The following KCNIP4 variants were observed in gnomAD, a reference collection of about 807,000 sequenced individuals.
KCNIP4 encodes potassium voltage-gated channel interacting protein 4, also known as Kv channel-interacting protein 4.
KCNIP4 carries 12 observed loss-of-function variants against 34.0 expected under a neutral mutation model. The ratio of observed to expected loss-of-function variants is 0.35; its 90% CI spans 0.23 to 0.57. The LOEUF (loss-of-function observed/expected upper bound fraction) is 0.57. KCNIP4 is among the 20% of genes least tolerant of loss of function. The pLI is 0.83. For synonymous variants in KCNIP4, 124 were observed against 102.2 expected, an observed-to-expected ratio of 1.21 and a Z score of -1.29; for missense variants, 238 against 311.7, an observed-to-expected ratio of 0.76 and a Z score of 1.78.
intron 1 of KCNIP4, among the ~76,000 whole-genome samples, chr4:21,884,845 C>T (rs2109391215): frequency 6.6e-6 from 1 of 152,134 alleles, no homozygotes; most frequent in South Asian, 2.1e-4. Context: ...CACTGCCTTC[C>T]CTCTTCCTGA....
intron 1 of KCNIP4, among the ~76,000 whole-genome samples, chr4:21,777,626 G>A (rs781078351): frequency 6.6e-6 from 1 of 151,872 alleles, no homozygotes; most frequent in Non-Finnish European, 1.5e-5. Context: ...AAAGAGAGAG[G>A]GTCACTCACA....
chr4:21,010,735 A>T (rs1222756480), intron 1 of KCNIP4, among the ~76,000 whole-genome samples: 1 of 152,228 alleles, frequency 6.6e-6, no homozygotes, highest in Non-Finnish European at 1.5e-5. Context: ...ATAAGAGCAT[A>T]GTATGGTTAG....
At chr4:21,310,724 G>A (rs1713061586) in intron 1 of KCNIP4, among the ~76,000 whole-genome samples, 1 of 151,448 alleles carries the variant, frequency 6.6e-6, no homozygotes, top group Non-Finnish European at 1.5e-5. Flanking sequence ...CTCCGCCTCC[G>A]AGGTTCAAGC....
chr4:20,962,978 G>C (rs1036258248), intron 1 of KCNIP4, among the ~76,000 whole-genome samples: 1 of 152,182 alleles, frequency 6.6e-6, no homozygotes, highest in South Asian at 2.1e-4. Flanking sequence ...CTGTAAAATG[G>C]GGATAAAAAA....
chr4:21,362,428 C>G (rs532222987), intron 1 of KCNIP4, among the ~76,000 whole-genome samples: 34 of 152,146 alleles, frequency 2.2e-4, no homozygotes, highest in African/African-American at 8.0e-4. Context: ...ATTAATTTTG[C>G]AAAACTAGTG....
In KCNIP4 at chr4:21,389,558, T is replaced by C. The variant is rs572069525; in HGVS notation, c.62-506849A>G. 5.3e-5 allele frequency among the ~76,000 whole-genome samples: 8 copies of C among 149,620 alleles called. No individual in the cohort carries two copies. The South Asian group carries it at 1.7e-3, about 32-fold the overall frequency. On this transcript the variant is annotated intron_variant, in intron 1 of 8. Coordinates refer to ENST00000382152, the MANE Select transcript of KCNIP4 (RefSeq NM_025221.6). ...ATGAGTGAGAACATGCGGTGTTTGG[T>C]TTTTGTCCTGGCGATAGTTTGCTGA... is the stretch of plus-strand genomic sequence containing the variant.
intron 1 of KCNIP4, among the ~76,000 whole-genome samples, chr4:20,926,555 T>C (rs1000532390): frequency 3.3e-5 from 5 of 152,220 alleles, no homozygotes; most frequent in African/African-American, 1.2e-4. Flanking sequence ...GTGCTTTGCA[T>C]GTACTAGAGC....
At chr4:20,829,269 A>G (rs952215330) in intron 3 of KCNIP4, among the ~76,000 whole-genome samples, 3 of 151,686 alleles carry the variant, frequency 2.0e-5, no homozygotes, top group Non-Finnish European at 4.4e-5. Flanking sequence ...GTGCAGTGGT[A>G]TGATCTCAGC....
At chr4:21,556,348 A>G (rs543862152) in intron 1 of KCNIP4, among the ~76,000 whole-genome samples, 2 of 152,250 alleles carry the variant, frequency 1.3e-5, no homozygotes, top group Non-Finnish European at 2.9e-5. Flanking sequence ...AGGACAATCC[A>G]TTCTAGAGGA....
At chr4:21,771,891 CTTCCTATTTG>C (rs1718819705) in intron 1 of KCNIP4, among the ~76,000 whole-genome samples, 1 of 152,094 alleles carries the variant, frequency 6.6e-6, no homozygotes, top group Non-Finnish European at 1.5e-5. Context: ...GACCTCTTCT[CTTCCTATTTG>C]AATACCCTTT....
At chr4:20,731,863 T>C in intron 8 of KCNIP4, 143 bp downstream of exon 8, 1 of 1,424,588 alleles carries the variant, frequency 7.0e-7, no homozygotes, top group Non-Finnish European at 9.2e-7. Context: ...TTCAGAGTGG[T>C]AGGCTTATGC....
chr4:21,327,066 T>A (rs1715158070), intron 1 of KCNIP4, among the ~76,000 whole-genome samples: 1 of 152,094 alleles, frequency 6.6e-6, no homozygotes, highest in Admixed American at 6.5e-5. Context: ...ACTCAATATA[T>A]GAGTAGTTTA....
At chr4:21,186,782 C>T (rs749583712) in intron 1 of KCNIP4, among the ~76,000 whole-genome samples, 2 of 152,122 alleles carry the variant, frequency 1.3e-5, no homozygotes, top group Non-Finnish European at 2.9e-5. Context: ...GTAGCTGGGA[C>T]TACAGGCATA....
chr4:21,587,413 C>T (rs1488328408), intron 1 of KCNIP4, among the ~76,000 whole-genome samples: 1 of 152,044 alleles, frequency 6.6e-6, no homozygotes, highest in Non-Finnish European at 1.5e-5. Flanking sequence ...TCTTTCTTTA[C>T]ATCACTCCAT....
chr4:21,945,115 C>T (rs554328093), intron 1 of KCNIP4, among the ~76,000 whole-genome samples: 53 of 151,968 alleles, frequency 3.5e-4, no homozygotes, highest in African/African-American at 1.2e-3. Flanking sequence ...AGTGAGAACA[C>T]GAAAAATAAA....
intron 1 of KCNIP4, among the ~76,000 whole-genome samples, chr4:21,227,110 C>T (rs933788015): frequency 1.3e-5 from 2 of 152,146 alleles, no homozygotes; most frequent in Non-Finnish European, 2.9e-5. Context: ...TCAAGTGTAA[C>T]AACAAATGCT....
At chr4:21,327,170 T>C (rs1032052767) in intron 1 of KCNIP4, among the ~76,000 whole-genome samples, 32 of 152,116 alleles carry the variant, frequency 2.1e-4, no homozygotes, top group African/African-American at 7.7e-4. Context: ...TCATATGATA[T>C]TTTCTCATTA....
At chr4:21,821,249 G>C (rs1221750657) in intron 1 of KCNIP4, among the ~76,000 whole-genome samples, 1 of 152,056 alleles carries the variant, frequency 6.6e-6, no homozygotes, top group Non-Finnish European at 1.5e-5. Context: ...CATGAAGCAA[G>C]AGCTTAAAGC....
At chr4:20,998,343 G>T (rs1274545275) in intron 1 of KCNIP4, among the ~76,000 whole-genome samples, 1 of 152,130 alleles carries the variant, frequency 6.6e-6, no homozygotes, top group Non-Finnish European at 1.5e-5. Flanking sequence ...TTAGCTTTAG[G>T]CAAGTGTGTG....
Sources: gnomAD v4.1 joint callset for allele counts (sites outside exome capture counted in the v4.1 genomes callset) on GRCh38, gnomAD v4.1.1 for gene constraint, MANE v1.5 for transcripts, NCBI Gene and HGNC (gene_info 2026-07-23, HGNC 2026-07-21) for gene names.